Variants in TNNI3K observed in about 807,000 individuals in gnomAD.
TNNI3K encodes the protein serine/threonine-protein kinase TNNI3K.
TNNI3K carries 140 observed loss-of-function variants against 114.5 expected under a neutral mutation model. The observed-to-expected ratio is 1.22, with a 90% CI of 1.07 to 1.41. The LOEUF (loss-of-function observed/expected upper bound fraction) is 1.41, where lower values mean the gene tolerates loss of function less well. Among genes scored for constraint, TNNI3K ranks in the 40% most tolerant of loss-of-function variants. The pLI is 0.00. For synonymous variants in TNNI3K, 347 were observed against 347.5 expected (o/e 1.00, Z 0.02); for missense variants, 1,125 against 1,007.6 (o/e 1.12, Z -1.58).
intron 20 of TNNI3K, among the ~76,000 whole-genome samples, chr1:74,456,586 T>C (rs1276203973): frequency 1.3e-5 from 2 of 152,194 alleles, no homozygotes; most frequent in African/African-American, 2.4e-5. Flanking sequence ...CCCATTTCCT[T>C]ATAACCAGGT....
chr1:74,448,193 T>C (rs1348210685), intron 20 of TNNI3K, among the ~76,000 whole-genome samples: 1 of 106,500 alleles, frequency 9.4e-6, no homozygotes, highest in South Asian at 3.6e-4. Context: ...CGCACCAGCA[T>C]GGCACATGTA....
At chr1:74,360,706 C>T (rs1433695716) in intron 11 of TNNI3K, among the ~76,000 whole-genome samples, 1 of 152,028 alleles carries the variant, frequency 6.6e-6, no homozygotes, top group African/African-American at 2.4e-5. Flanking sequence ...GTCTTCAAGA[C>T]TTAGTTTATG....
intron 3 of TNNI3K, 36 bp from the exon 4 acceptor site, chr1:74,250,636 A>G (rs199596913): frequency 6.3e-7 from 1 of 1,594,908 alleles, no homozygotes; most frequent in Admixed American, 1.7e-5. Context: ...CCCCATCCCC[A>G]CAATGATTTA....
chr1:74,237,317 C>T (rs1653917813), intron 2 of TNNI3K, among the ~76,000 whole-genome samples: 1 of 151,798 alleles, frequency 6.6e-6, no homozygotes, highest in Admixed American at 6.6e-5. Flanking sequence ...TTTGAAATTC[C>T]TGTAGAAATA....
chr1:74,515,582 G>A (rs79960968), intron 23 of TNNI3K, among the ~76,000 whole-genome samples: 2 of 152,148 alleles, frequency 1.3e-5, no homozygotes, highest in African/African-American at 4.8e-5. Flanking sequence ...GTCAGGAAGA[G>A]ATTGCAAGTA....
intron 5 of TNNI3K, among the ~76,000 whole-genome samples, chr1:74,294,350 A>G (rs562146649): frequency 1.3e-5 from 2 of 152,046 alleles, no homozygotes; most frequent in Admixed American, 1.3e-4. Flanking sequence ...TTTATCTAGG[A>G]TATGGGTTTT....
At chr1:74,536,224 C>T (rs1646659199) in intron 23 of TNNI3K, among the ~76,000 whole-genome samples, 1 of 152,062 alleles carries the variant, frequency 6.6e-6, no homozygotes. Context: ...TTTAAATGCC[C>T]TGGTTCATGT....
intron 5 of TNNI3K, among the ~76,000 whole-genome samples, chr1:74,321,192 T>A (rs1329723334): frequency 1.3e-5 from 2 of 152,108 alleles, no homozygotes; most frequent in African/African-American, 4.8e-5. Context: ...GAGCTCCACA[T>A]AAGAGAATGA....
At chr1:74,509,592 T>C (rs1312347200) in intron 23 of TNNI3K, among the ~76,000 whole-genome samples, 1 of 152,110 alleles carries the variant, frequency 6.6e-6, no homozygotes, top group Non-Finnish European at 1.5e-5. Context: ...CAATGAATTA[T>C]GAAATTATGA....
At chr1:74,430,564 C>T (rs190347335) in intron 17 of TNNI3K, among the ~76,000 whole-genome samples, 5 of 152,210 alleles carry the variant, frequency 3.3e-5, no homozygotes, top group South Asian at 2.1e-4. Flanking sequence ...CTATTCACAT[C>T]GCTTATTCAG....
intron 21 of TNNI3K, chr1:74,475,694 A>C (rs1668170506): frequency 4.2e-6 from 3 of 709,380 alleles, no homozygotes; most frequent in Middle Eastern, 2.3e-4. Flanking sequence ...TCATGAGCAC[A>C]CAGGGGTTCA....
At chr1:74,287,224 A>C (rs369304990) in intron 5 of TNNI3K, among the ~76,000 whole-genome samples, 1 of 152,220 alleles carries the variant, frequency 6.6e-6, no homozygotes, top group Non-Finnish European at 1.5e-5. Context: ...CTTTTGGTAC[A>C]TCAACAAGTA....
chr1:74,361,436 G>A (rs1266681070), intron 11 of TNNI3K, among the ~76,000 whole-genome samples: 3 of 152,008 alleles, frequency 2.0e-5, no homozygotes, highest in Non-Finnish European at 4.4e-5. Context: ...CCACTAGATA[G>A]CATTGAATAT....
intron 17 of TNNI3K, among the ~76,000 whole-genome samples, chr1:74,387,133 T>C (rs1350295251): frequency 6.6e-6 from 1 of 152,210 alleles, no homozygotes; most frequent in East Asian, 1.9e-4. Flanking sequence ...TATGCTTACC[T>C]TTGTTCAAAT....
At chr1:74,248,202 G>C in intron 2 of TNNI3K, among the ~76,000 whole-genome samples, 1 of 152,142 alleles carries the variant, frequency 6.6e-6, no homozygotes, top group East Asian at 1.9e-4. Flanking sequence ...GCGGCGCAGA[G>C]TGTAGGACCC....
chr1:74,418,181 A>G (rs773041867), intron 17 of TNNI3K: 17 of 454,312 alleles, frequency 3.7e-5, no homozygotes, highest in South Asian at 2.6e-4. Flanking sequence ...TTCCTGAACT[A>G]TGTATGTGAT....
intron 5 of TNNI3K, among the ~76,000 whole-genome samples, chr1:74,309,229 G>C (rs1458029627): frequency 6.7e-6 from 1 of 149,408 alleles, no homozygotes; most frequent in Non-Finnish European, 1.5e-5. Context: ...TTAGCCGGGC[G>C]AGGTGGCGGG....
intron 20 of TNNI3K, among the ~76,000 whole-genome samples, chr1:74,459,770 CCATT>C (rs1258520711): frequency 2.0e-5 from 3 of 152,284 alleles, no homozygotes; most frequent in Admixed American, 2.0e-4. Context: ...TACACAATCT[CCATT>C]CATGTCTTTT....
At chr1:74,365,485 C>T (rs1662221599) in intron 11 of TNNI3K, among the ~76,000 whole-genome samples, 1 of 152,028 alleles carries the variant, frequency 6.6e-6, no homozygotes, top group Non-Finnish European at 1.5e-5. Context: ...ACTTGCACTT[C>T]AAGTGATTCT....
Sources: gnomAD v4.1 joint callset for allele counts (sites outside exome capture counted in the v4.1 genomes callset) on GRCh38, gnomAD v4.1.1 for gene constraint, MANE v1.5 for transcripts, NCBI Gene and HGNC (gene_info 2026-07-23, HGNC 2026-07-21) for gene names.